STAT5A: variants seen among roughly 807,000 people sequenced by gnomAD.
STAT5A encodes the protein signal transducer and activator of transcription 5A, also known as epididymis secretory sperm binding protein.
STAT5A carries 26 observed loss-of-function variants against 100.2 expected under a neutral mutation model. The observed-to-expected ratio is 0.26, with a 90% confidence interval of 0.19 to 0.36. STAT5A has a LOEUF of 0.36. STAT5A is among the 10% of genes least tolerant of loss of function. STAT5A has a pLI of 1.00. For missense variants in STAT5A, 634 were observed against 1,027.5 expected (o/e 0.62, Z 5.24); for synonymous variants, 330 against 424.3 (o/e 0.78, Z 2.73).
chr17:42,308,492 G>C lies in STAT5A; in HGVS notation c.2062+159G>C. ...CATGGGGTGGTGGAGAGGATTTCAG[G>C]GCTCACAAATGAGGAGAGGGAACGA... On this transcript the variant is annotated intron_variant, in intron 16 of 18. Coordinates refer to ENST00000590949, the MANE Select transcript of STAT5A (RefSeq NM_001288718.2). The surrounding 1 kb of genome is among the most constrained non-coding windows in gnomAD (Gnocchi z 4.6). 1.0e-6 allele frequency: 1 copy of C among 955,866 alleles called. No individual in the cohort carries two copies. Among genetic ancestry groups the C allele is most frequent in the Non-Finnish European group, 1.5e-6 (1 of 650,386 alleles). The allele number at this position is 955,866 out of a possible 1,614,324, so 59.2% of individuals were successfully genotyped here. A position where few individuals can be genotyped will look rare whatever the true frequency, so the allele number is the denominator to read the frequency against.
chr17:42,309,289 G>C, intron 17 of STAT5A, 88 bp from the exon 18 acceptor site: 1 of 1,552,994 alleles, frequency 6.4e-7, no homozygotes, highest in Admixed American at 1.7e-5. Flanking sequence ...TACACCCCGA[G>C]AAAGACAAAC....
Position 42,295,676 on chromosome 17 carries a change from A to G in STAT5A, c.433A>G (p.Asn145Asp). Residue 145 changes from asparagine (N) to aspartate (D), a missense_variant, in exon 5 of 19, where the codon AAC (asparagine) becomes GAC (aspartate). By Grantham distance (23) the Asn-to-Asp change is conservative (BLOSUM62 1). Around this residue, in one of 5 missense-constraint regions of STAT5A, gnomAD observed 207 missense variants for 256.6 expected, o/e 0.81. Transcript: ENST00000590949. ...CATGTCCCAGAAGCACCTTCAGATC[A>G]ACCAGACATTTGAGGAGCTGCGACT... ...DAMSQKHLQI[N>D]QTFEELRLVT... is the part of the protein sequence containing the mutation. 1 of 1,614,016 alleles carries G rather than the reference A, an allele frequency of 6.2e-7. No individual in the cohort carries two copies. Among genetic ancestry groups the G allele is most frequent in the Non-Finnish European group, 8.5e-7 (1 of 1,179,966 alleles).
chr17:42,305,517 A>T, intron 11 of STAT5A, 93 bp from the exon 12 acceptor site: 1 of 1,080,212 alleles, frequency 9.3e-7, no homozygotes, highest in Non-Finnish European at 1.4e-6. Flanking sequence ...AAAAAAATAC[A>T]TAAAAAAAAA....
intron 4 of STAT5A, among the ~76,000 whole-genome samples, chr17:42,294,901 A>AT (rs11313930): frequency 2.0e-3 from 284 of 143,162 alleles, no homozygotes; most frequent in East Asian, 6.9e-3. Context: ...CTCTCTCTCT[A>AT]TTTTTTTTTT....
chr17:42,309,948 C>T (rs1403280258), intron 18 of STAT5A, among the ~76,000 whole-genome samples: 2 of 152,200 alleles, frequency 1.3e-5, no homozygotes, highest in South Asian at 2.1e-4. Flanking sequence ...GGAGGTACCA[C>T]CTTCCAGTGG....
chr17:42,287,973 C>G (rs2080829007), upstream of STAT5A: 1 of 152,250 alleles, frequency 6.6e-6, no homozygotes, highest in Admixed American at 6.5e-5. Context: ...TCTCTGAGGT[C>G]ACAAAACCTG....
chr17:42,302,371 T>A (rs151069640), intron 9 of STAT5A, among the ~76,000 whole-genome samples: 40 of 152,130 alleles, frequency 2.6e-4, no homozygotes, highest in African/African-American at 8.7e-4. Context: ...GGGGGTCTTC[T>A]TGCAGGATTA....
intron 4 of STAT5A, among the ~76,000 whole-genome samples, chr17:42,293,316 T>C (rs2080888826): frequency 6.6e-6 from 1 of 152,128 alleles, no homozygotes; most frequent in Non-Finnish European, 1.5e-5. Context: ...GAGATTCTCA[T>C]GCCTCAGCCT....
At chr17:42,297,189 G>C (rs1162602015) in intron 5 of STAT5A, among the ~76,000 whole-genome samples, 1 of 151,956 alleles carries the variant, frequency 6.6e-6, no homozygotes, top group East Asian at 1.9e-4. Flanking sequence ...TGCCTGCCTC[G>C]GCCTCCCAAA....
intron 5 of STAT5A, among the ~76,000 whole-genome samples, chr17:42,298,740 G>A (rs1379005559): frequency 1.3e-5 from 2 of 152,152 alleles, no homozygotes; most frequent in Non-Finnish European, 2.9e-5. Context: ...GCCCGCCTCA[G>A]TCTCCCAAAG....
In STAT5A at chr17:42,295,806, G is replaced by C; in HGVS notation, c.550+13G>C. 6.2e-7 allele frequency: 1 copy of C among 1,613,364 alleles called. No homozygotes were observed. The highest frequency in any genetic ancestry group is 1.3e-5 in the African/African-American group (1 of 74,992). On this transcript the variant is annotated intron_variant, in intron 5 of 18. Coordinates refer to ENST00000590949, the MANE Select transcript of STAT5A (RefSeq NM_001288718.2). ...CTGAGGATCCAAGGTGAGGCGCGGT[G>C]GAGGCAGTGTGCATCCGGAGGGTGG...
intron 2 of STAT5A, 56 bp downstream of exon 2, chr17:42,289,595 G>C: frequency 6.3e-7 from 1 of 1,579,938 alleles, no homozygotes; most frequent in Admixed American, 1.8e-5. Context: ...CAGGCCCTTT[G>C]GCCTCTAGTT....
intron 8 of STAT5A, 109 bp downstream of exon 8, chr17:42,300,979 C>G (rs2080972206): frequency 2.6e-6 from 4 of 1,563,030 alleles, no homozygotes; most frequent in Middle Eastern, 2.1e-4. Flanking sequence ...GCCTCTCATC[C>G]CTCCCAACTC....
intron 13 of STAT5A, among the ~76,000 whole-genome samples, chr17:42,306,740 G>A (rs1055984883): frequency 2.0e-4 from 30 of 151,364 alleles, no homozygotes; most frequent in African/African-American, 7.0e-4. Flanking sequence ...TTTTTTTAGA[G>A]ACAGAATCTC....
chr17:42,309,326 AGCTGCCCCGGCCTCCCTGGTG>A (rs2081058406), intron 17 of STAT5A, 30 bp from the exon 18 acceptor site: 1 of 1,601,938 alleles, frequency 6.2e-7, no homozygotes, highest in African/African-American at 1.3e-5. Flanking sequence ...TCCCCAAGTC[AGCTGCCCCGGCCTCCCTGGTG>A]GCTGAAGCTC....
At chr17:42,306,556 A>G (rs1034961397) in intron 13 of STAT5A, 109 bp downstream of exon 13, 2 of 1,493,568 alleles carry the variant, frequency 1.3e-6, no homozygotes, top group Non-Finnish European at 1.8e-6. Flanking sequence ...TCCACCCCCA[A>G]CCACTCTCTC....
Position 42,295,808 on chromosome 17 carries a change from A to G in STAT5A, c.550+15A>G, listed in dbSNP as rs751255377. ...GAGGATCCAAGGTGAGGCGCGGTGG[A>G]GGCAGTGTGCATCCGGAGGGTGGGA... is the stretch of plus-strand genomic sequence containing the variant. On this transcript the variant is annotated intron_variant, in intron 5 of 18. Transcript: ENST00000590949. 1 of 1,613,292 alleles carries G rather than the reference A, an allele frequency of 6.2e-7. No homozygotes were observed. Among genetic ancestry groups the G allele is most frequent in the East Asian group, 2.2e-5 (1 of 44,860 alleles).
intron 4 of STAT5A, 142 bp from the exon 5 acceptor site, chr17:42,295,477 A>T: frequency 2.4e-6 from 2 of 820,838 alleles, no homozygotes; most frequent in Non-Finnish European, 3.7e-6. Flanking sequence ...GATGCAAATG[A>T]TCCTTCCTTC....
At position 42,308,896 on chromosome 17, in the gene STAT5A, C is replaced by A; in HGVS notation, c.2063-151C>A. The A allele has an allele frequency of 1.1e-6, 1 of 917,668 alleles. No individual in the cohort carries two copies. Among genetic ancestry groups the A allele is most frequent in the Non-Finnish European group, 1.7e-6 (1 of 578,564 alleles). 56.8% of individuals were successfully genotyped at this position (917,668 alleles called of 1,614,324 possible). The stretch of plus-strand genomic sequence containing the variant: ...GTGACCCTCAGGCAGGATTCATCAG[C>A]TGGTGTTTATTGGGGGTCCTTGGGA... On this transcript the variant is annotated intron_variant, in intron 16 of 18. Coordinates refer to ENST00000590949, the MANE Select transcript of STAT5A (RefSeq NM_001288718.2). The surrounding 1 kb of genome is among the most constrained non-coding windows in gnomAD (Gnocchi z 4.6).
Sources: gnomAD v4.1 joint callset for allele counts (sites outside exome capture counted in the v4.1 genomes callset) on GRCh38, gnomAD v4.1.1 for gene constraint, gnomAD v4.1.1 regional missense constraint, Gnocchi (gnomAD v3.1) non-coding constraint, MANE v1.5 for transcripts, NCBI Gene and HGNC (gene_info 2026-07-23, HGNC 2026-07-21) for gene names.